The following RNF17 variants were observed in gnomAD, a reference collection of about 807,000 sequenced individuals.
RNF17 encodes the protein ring finger protein 17, also known as spermatogenesis associated 23.
A neutral mutation model predicts 200.5 loss-of-function variants in RNF17; 31 were observed. The ratio of observed to expected loss-of-function variants is 0.15; its 90% CI spans 0.12 to 0.21. RNF17 has a LOEUF of 0.21. Ranked by LOEUF, RNF17 falls within the 10% of genes least tolerant of loss-of-function variation. The pLI is 1.00. For synonymous variants in RNF17, 606 were observed against 637.8 expected, an observed-to-expected ratio of 0.95 and a Z score of 0.75; for missense variants, 1,628 against 1,905.1, an observed-to-expected ratio of 0.85 and a Z score of 2.71.
chr13:24,872,118 G>T (rs565234337), intron 32 of RNF17, among the ~76,000 whole-genome samples: 1 of 151,232 alleles, frequency 6.6e-6, no homozygotes, highest in Non-Finnish European at 1.5e-5. Context: ...GCATCACCTC[G>T]CCTGTCTAAT....
intron 34 of RNF17, among the ~76,000 whole-genome samples, chr13:24,877,551 G>A (rs1385151659): frequency 3.3e-5 from 5 of 152,292 alleles, no homozygotes; most frequent in Non-Finnish European, 4.4e-5. Context: ...CTAACTTTGT[G>A]GGTGGGGGAA....
chr13:24,870,590 C>G lies in RNF17; in HGVS notation c.4298C>G (p.Ser1433Cys), dbSNP rs760253251. ...SPNEVYICLD[S>C]IETSNQSNQH... ...ACTTAGGTGTATATTTGCCTTGATT[C>G]TATAGAAACTTCTAACCAGTCTAAC... is the stretch of plus-strand genomic sequence containing the variant. The change falls in exon 32 of 36, where the codon TCT becomes TGT. Residue 1433 changes from serine to cysteine, a missense_variant. By Grantham distance (112) the Ser-to-Cys change is moderately radical. Transcript: ENST00000255324. 1.2e-6 allele frequency: 2 copies of G among 1,612,980 alleles called. No individual in the cohort carries two copies. Among genetic ancestry groups the G allele is most frequent in the Non-Finnish European group, 1.7e-6 (2 of 1,179,580 alleles).
intron 16 of RNF17, among the ~76,000 whole-genome samples, chr13:24,830,187 T>C (rs1270822624): frequency 1.3e-5 from 2 of 152,204 alleles, no homozygotes; most frequent in South Asian, 4.1e-4. Flanking sequence ...AACTGGTCAG[T>C]CTGACTCAAA....
At position 24,799,580 on chromosome 13, in the gene RNF17, A is replaced by G. The variant is rs1302327241; in HGVS notation, c.1585A>G (p.Thr529Ala). ...TGGAAATTCTGAAGTCCTGATTGTCACTGGGTATGATATTTTATAATATGT... is the reference window on the plus strand; with the variant it reads ...TGGAAATTCTGAAGTCCTGATTGTCGCTGGGTATGATATTTTATAATATGT... ...DFGNSEVLIVTGVVDTHVRPE... is the reference protein window; with the variant it reads ...DFGNSEVLIVAGVVDTHVRPE... Residue 529 changes from threonine (T) to alanine (A), a missense_variant, in exon 12 of 36, where the codon ACT (threonine) becomes GCT (alanine). Coordinates refer to ENST00000255324, the MANE Select transcript of RNF17 (RefSeq NM_031277.3). 5 of 1,583,502 alleles carry G rather than the reference A, an allele frequency of 3.2e-6. No homozygotes were observed. In the Admixed American group the frequency reaches 8.5e-5, roughly 27 times the overall value.
In RNF17 at chr13:24,812,677, C is replaced by CCT. The variant is rs1192548226; in HGVS notation, c.2091+8249_2091+8250insTC. ...CATCTTGGCTCCTCCCCTCCCCGCCCCACCCCCTTTTTTTTTTTTTTTGAG... is the reference window on the plus strand; with the variant it reads ...CATCTTGGCTCCTCCCCTCCCCGCCCCTCACCCCCTTTTTTTTTTTTTTTGAG... On this transcript the variant is annotated intron_variant, in intron 15 of 35. Transcript: ENST00000255324. Among the ~76,000 whole-genome samples, 2 of 31,976 alleles carry CCT rather than the reference C, an allele frequency of 6.3e-5. 1 individual carries two copies. Among genetic ancestry groups the CCT allele is most frequent in the Non-Finnish European group, 1.7e-4 (2 of 12,088 alleles). The allele number at this position is 31,976 out of a possible 152,430, so 21.0% of individuals were successfully genotyped here.
chr13:24,887,147 A>G, the RNF17 span, among the ~76,000 whole-genome samples: 1 of 152,228 alleles, frequency 6.6e-6, no homozygotes, highest in East Asian at 1.9e-4. Context: ...AGCACTGCCC[A>G]AAGGGAAAAA....
intron 4 of RNF17, among the ~76,000 whole-genome samples, chr13:24,779,183 A>C (rs775674997): frequency 2.0e-5 from 3 of 152,016 alleles, no homozygotes; most frequent in Non-Finnish European, 2.9e-5. Flanking sequence ...TGCAACAGTG[A>C]GACTCTGTCT....
At chr13:24,865,996 A>G (rs1893583152) in intron 29 of RNF17, 148 bp from the exon 30 acceptor site, 1 of 588,692 alleles carries the variant, frequency 1.7e-6, no homozygotes, top group Admixed American at 3.5e-5. Flanking sequence ...GAGATTATTC[A>G]GAACATTAGA....
chr13:24,765,046 C>T (rs1045772859), intron 1 of RNF17, among the ~76,000 whole-genome samples: 2 of 152,116 alleles, frequency 1.3e-5, no homozygotes, highest in African/African-American at 2.4e-5. Context: ...GTTGGAGTCT[C>T]GCTCTGTAGC....
the RNF17 span, among the ~76,000 whole-genome samples, chr13:24,752,403 G>T: frequency 6.6e-6 from 1 of 152,176 alleles, no homozygotes; most frequent in Non-Finnish European, 1.5e-5. Context: ...CAGCCATAAA[G>T]CTTTGGGAAA....
At chr13:24,776,477 C>T (rs1037389130) in intron 3 of RNF17, among the ~76,000 whole-genome samples, 2 of 152,166 alleles carry the variant, frequency 1.3e-5, no homozygotes, top group African/African-American at 4.8e-5. Flanking sequence ...TTCACAGAAC[C>T]AGAATGTAAA....
At chr13:24,820,114 CTTTTTTCT>C (rs371821858) in intron 15 of RNF17, among the ~76,000 whole-genome samples, 23,727 of 107,612 alleles carry the variant, frequency 0.22, 1,443 homozygotes, top group East Asian at 0.26. Flanking sequence ...TCTCTTTTTT[CTTTTTTCT>C]TTTTTTTTTT....
the RNF17 span, chr13:24,885,174 C>T: frequency 1.3e-6 from 1 of 766,480 alleles, no homozygotes; most frequent in Non-Finnish European, 2.2e-6. Context: ...CAACTAAAGG[C>T]ATCTTGTCCA....
At chr13:24,815,428 G>GGTGTGTGTGTGTGT (rs60054136) in intron 15 of RNF17, among the ~76,000 whole-genome samples, 1 of 144,100 alleles carries the variant, frequency 6.9e-6, no homozygotes, top group African/African-American at 2.6e-5. Context: ...GCCCTAACGG[G>GGTGTGTGTGTGTGT]GTGTGTGTGT....
At position 24,850,526 on chromosome 13, in the gene RNF17, T is replaced by C. The variant is rs1054933104; in HGVS notation, c.3204+83T>C. 29 of 913,912 alleles carry C rather than the reference T, an allele frequency of 3.2e-5. No individual in the cohort carries two copies. In the East Asian group the frequency reaches 7.7e-4, roughly 24 times the overall value. 56.6% of individuals were successfully genotyped at this position (913,912 alleles called of 1,614,324 possible). A position where few individuals can be genotyped will look rare whatever the true frequency, so the allele number is the denominator to read the frequency against. ...TTTATTTTCTTTCTTGTAGAGAAAA[T>C]AGCAGCCAACTATTTGGATTTTGTT... On this transcript the variant is annotated intron_variant, in intron 23 of 35. Coordinates refer to ENST00000255324, the MANE Select transcript of RNF17 (RefSeq NM_031277.3).
intron 26 of RNF17, among the ~76,000 whole-genome samples, 159 bp downstream of exon 26, chr13:24,859,323 G>A (rs560996611): frequency 1.2e-3 from 176 of 152,116 alleles, no homozygotes; most frequent in African/African-American, 4.0e-3. Context: ...ATAATTTTTC[G>A]TTTTATTTGC....
intron 24 of RNF17, among the ~76,000 whole-genome samples, chr13:24,852,299 T>C (rs367819629): frequency 5.9e-5 from 9 of 152,094 alleles, no homozygotes; most frequent in South Asian, 2.1e-4. Flanking sequence ...CCACCTCGCC[T>C]GGCTAATTTT....
rs1892821163 is a variant in RNF17 at position 24,859,077 on chromosome 13, G to T, written c.3687G>T (p.Trp1229Cys). 6.2e-7 allele frequency: 1 copy of T among 1,611,968 alleles called. No homozygotes were observed. Among genetic ancestry groups the T allele is most frequent in the Non-Finnish European group, 8.5e-7 (1 of 1,178,640 alleles). ...KCLGLLEPYF[W>C]KKGEACAVRG... ...TTGGTCTTTTGGAGCCTTATTTCTG[G>T]AAAAAAGGAGAAGCATGTGCAGTAA... Residue 1229 changes from tryptophan to cysteine, a missense_variant, in exon 26 of 36, where the codon TGG (tryptophan) becomes TGT (cysteine). Physicochemically the swap from Trp to Cys is radical, Grantham distance 215. Transcript: ENST00000255324.
chr13:24,806,110 C>T (rs1405802603), intron 15 of RNF17, among the ~76,000 whole-genome samples: 1 of 152,106 alleles, frequency 6.6e-6, no homozygotes, highest in Non-Finnish European at 1.5e-5. Context: ...TTGTTTAACT[C>T]CCACTTATGA....
Sources: allele counts gnomAD v4.1 joint callset (sites outside exome capture counted in the v4.1 genomes callset), GRCh38; gene constraint gnomAD v4.1.1; transcripts MANE v1.5; gene names NCBI Gene and HGNC (gene_info 2026-07-23, HGNC 2026-07-21).